Variants in HHAT observed in about 807,000 individuals in gnomAD.
HHAT encodes the protein protein-cysteine N-palmitoyltransferase HHAT.
Under a neutral mutation model 70.8 loss-of-function variants are expected in HHAT, and 47 were observed. That is an observed-to-expected ratio of 0.66 (90% CI 0.53 to 0.85). HHAT has a LOEUF of 0.85. HHAT is among the 40% of genes least tolerant of loss of function. HHAT has a pLI of 0.00. For missense variants in HHAT, 609 were observed against 604.8 expected (o/e 1.01, Z -0.07); for synonymous variants, 228 against 247.6 (o/e 0.92, Z 0.74).
intron 9 of HHAT, among the ~76,000 whole-genome samples, chr1:210,526,305 G>T (rs532911493): frequency 2.0e-5 from 3 of 150,908 alleles, no homozygotes; most frequent in Non-Finnish European, 4.4e-5. Flanking sequence ...TGGCTCTCAG[G>T]CCCTGTCAGA....
At chr1:210,359,475 G>C (rs1332565351) in intron 2 of HHAT, among the ~76,000 whole-genome samples, 2 of 152,102 alleles carry the variant, frequency 1.3e-5, no homozygotes, top group African/African-American at 2.4e-5. Flanking sequence ...GAGATCAGCT[G>C]GTGCCACCCA....
rs139896743 is a variant in HHAT at position 210,401,743 on chromosome 1, T to C, written c.468+1081T>C. 1.1e-4 allele frequency among the ~76,000 whole-genome samples: 17 copies of C among 152,338 alleles called. No individual in the cohort carries two copies. The East Asian group carries it at 3.1e-3, about 28-fold the overall frequency. On this transcript the variant is annotated intron_variant, in intron 5 of 11. Coordinates refer to ENST00000261458, the MANE Select transcript of HHAT (RefSeq NM_018194.6). ...CATCAGACTTGACCCAGAGAATTGG[T>C]GGATGACAGACAGACTGCCTTCTGA...
At chr1:210,361,954 T>A (rs2088371128) in intron 2 of HHAT, among the ~76,000 whole-genome samples, 1 of 152,182 alleles carries the variant, frequency 6.6e-6, no homozygotes, top group Admixed American at 6.5e-5. Context: ...TTTCTTATTC[T>A]GTGTTTGTCT....
chr1:210,439,878 T>C (rs2093465970), intron 7 of HHAT: 1 of 151,906 alleles, frequency 6.6e-6, no homozygotes, highest in African/African-American at 2.4e-5. Context: ...ATCTCTGTTT[T>C]AGTTTTTAGG....
rs980728309 is a variant in HHAT, at chr1:210,410,245, A to G, written c.684+5566A>G. Among the ~76,000 whole-genome samples the G allele has an allele frequency of 2.7e-5, 4 of 150,798 alleles. No individual in the cohort carries two copies. The East Asian group carries it at 7.9e-4, about 30-fold the overall frequency. Reference sequence around the variant, plus strand: ...TTTTTTTGTATTTTTTTTAGTAGAGACGAGGTTTCATCGTGTTAGCCAGAA... The same window carrying G: ...TTTTTTTGTATTTTTTTTAGTAGAGGCGAGGTTTCATCGTGTTAGCCAGAA... On this transcript the variant is annotated intron_variant, in intron 6 of 11. Coordinates refer to ENST00000261458, the MANE Select transcript of HHAT (RefSeq NM_018194.6).
chr1:210,328,996 C>T lies in HHAT; in HGVS notation c.-152C>T. 2.9e-6 allele frequency: 4 copies of T among 1,372,780 alleles called. No homozygotes were observed. The highest frequency in any genetic ancestry group is 3.8e-6 in the Non-Finnish European group (4 of 1,061,808). 85.0% of individuals were successfully genotyped at this position (1,372,780 alleles called of 1,614,324 possible). ...AAAGAGGGTGGCGTCCCGGGGAAGC[C>T]CGCAGCCGCCGCCGATGTCGCTGGG... On this transcript the variant is annotated 5_prime_UTR_variant, in exon 1 of 12. Transcript: ENST00000261458.
At chr1:210,356,851 G>A (rs2087684195) in intron 2 of HHAT, among the ~76,000 whole-genome samples, 1 of 152,196 alleles carries the variant, frequency 6.6e-6, no homozygotes, top group African/African-American at 2.4e-5. Context: ...GAGGCCACTG[G>A]TCCTGTCCTT....
chr1:210,562,302 G>A (rs1191617178), intron 9 of HHAT, among the ~76,000 whole-genome samples: 1 of 150,418 alleles, frequency 6.6e-6, no homozygotes, highest in East Asian at 2.0e-4. Flanking sequence ...TGACGTTGGG[G>A]GCTTCCACTT....
chr1:210,458,579 G>C (rs1286944387), intron 7 of HHAT, among the ~76,000 whole-genome samples: 1 of 152,156 alleles, frequency 6.6e-6, no homozygotes, highest in Non-Finnish European at 1.5e-5. Flanking sequence ...TAAGGGTAGA[G>C]TTTTGACAGA....
At chr1:210,600,232 A>G (rs1002337528) in intron 10 of HHAT, among the ~76,000 whole-genome samples, 4 of 152,216 alleles carry the variant, frequency 2.6e-5, no homozygotes, top group African/African-American at 9.6e-5. Flanking sequence ...GAAATACTGT[A>G]TTCTTGACCC....
chr1:210,502,972 A>AT (rs35971625), intron 8 of HHAT, among the ~76,000 whole-genome samples: 13,541 of 146,956 alleles, frequency 0.092, 974 homozygotes, highest in African/African-American at 0.2. Flanking sequence ...TACTGAAGAT[A>AT]TTTTTTTTTT....
intron 8 of HHAT, among the ~76,000 whole-genome samples, chr1:210,504,921 G>A (rs75811513): frequency 3.7e-5 from 1 of 27,054 alleles, no homozygotes; most frequent in African/African-American, 1.3e-4. Context: ...TTTTTTTTTT[G>A]AGACGGAGTC....
chr1:210,421,782 G>A (rs892082276), intron 7 of HHAT, among the ~76,000 whole-genome samples: 2 of 152,010 alleles, frequency 1.3e-5, no homozygotes, highest in South Asian at 2.1e-4. Flanking sequence ...GTTAACTTTT[G>A]CCCATTTTTC....
intron 2 of HHAT, among the ~76,000 whole-genome samples, chr1:210,349,592 CG>C (rs1193827291): frequency 6.6e-6 from 1 of 151,600 alleles, no homozygotes; most frequent in East Asian, 1.9e-4. Context: ...CTGAGTCCCA[CG>C]GGCACAGCTG....
chr1:210,374,389 C>T (rs891093108), intron 3 of HHAT: 1 of 152,220 alleles, frequency 6.6e-6, no homozygotes, highest in African/African-American at 2.4e-5. Flanking sequence ...ATTCTTTAAT[C>T]TTCCCATAGT....
intron 7 of HHAT, among the ~76,000 whole-genome samples, chr1:210,421,605 C>A (rs2092906406): frequency 6.6e-6 from 1 of 151,954 alleles, no homozygotes; most frequent in Non-Finnish European, 1.5e-5. Flanking sequence ...CCACCGTGCC[C>A]AGCTAATTTT....
At chr1:210,576,255 T>C (rs1657708867) in intron 9 of HHAT, among the ~76,000 whole-genome samples, 1 of 152,184 alleles carries the variant, frequency 6.6e-6, no homozygotes, top group South Asian at 2.1e-4. Flanking sequence ...CTACTCATTA[T>C]GATAATGGCT....
At chr1:210,419,259 A>AC (rs2092820787) in intron 7 of HHAT, among the ~76,000 whole-genome samples, 1 of 152,034 alleles carries the variant, frequency 6.6e-6, no homozygotes, top group Non-Finnish European at 1.5e-5. Context: ...GCGTGTGTGT[A>AC]TTTCCCTCTG....
intron 1 of HHAT, among the ~76,000 whole-genome samples, chr1:210,334,879 C>T (rs1369861277): frequency 6.6e-6 from 1 of 151,794 alleles, no homozygotes; most frequent in Non-Finnish European, 1.5e-5. Flanking sequence ...AAATATATTA[C>T]CAAAGACACA....
Sources: gnomAD v4.1 joint callset for allele counts (sites outside exome capture counted in the v4.1 genomes callset) on GRCh38, gnomAD v4.1.1 for gene constraint, MANE v1.5 for transcripts, NCBI Gene and HGNC (gene_info 2026-07-23, HGNC 2026-07-21) for gene names.